The following TPD52L2 variants were observed in gnomAD, a reference collection of about 807,000 sequenced individuals.
TPD52L2 encodes TPD52 like 2.
Under a neutral mutation model 24.7 loss-of-function variants are expected in TPD52L2, and 19 were observed. The observed-to-expected ratio is 0.77, with a 90% CI of 0.54 to 1.13. TPD52L2 has a LOEUF of 1.13. Ranked by LOEUF, TPD52L2 falls within the 50% of genes most tolerant of loss-of-function variation. The pLI, the probability that TPD52L2 is intolerant of heterozygous loss-of-function variation, is 0.00. For missense variants in TPD52L2, 236 were observed against 250.4 expected, an observed-to-expected ratio of 0.94 and a Z score of 0.39; for synonymous variants, 104 against 100.2, an observed-to-expected ratio of 1.04 and a Z score of -0.23.
At chr20:63,875,476 C>T (rs1234296800) in intron 3 of TPD52L2, among the ~76,000 whole-genome samples, 1 of 152,194 alleles carries the variant, frequency 6.6e-6, no homozygotes, top group Non-Finnish European at 1.5e-5. Context: ...CCTAGGACAT[C>T]GTAAGTTTTG....
chr20:63,888,486 A>G (rs1213979787), intron 5 of TPD52L2: 1 of 139,382 alleles, frequency 7.2e-6, no homozygotes, highest in Non-Finnish European at 1.5e-5. Context: ...GTGTCCCTGT[A>G]GGGGATAGCA....
chr20:63,866,859 A>G (rs1300264143), intron 1 of TPD52L2, among the ~76,000 whole-genome samples: 5 of 146,338 alleles, frequency 3.4e-5, no homozygotes, highest in African/African-American at 7.7e-5. Flanking sequence ...GCAATCTTCA[A>G]CTCCTGGGCT....
At chr20:63,881,035 C>T (rs886771847) in intron 4 of TPD52L2, among the ~76,000 whole-genome samples, 1 of 151,418 alleles carries the variant, frequency 6.6e-6, no homozygotes, top group Non-Finnish European at 1.5e-5. Context: ...TGGGAAAGTG[C>T]ATCCTCTGGG....
rs766580777 is a variant in TPD52L2, at chr20:63,869,365, G to T, written c.89G>T (p.Gly30Val). The T allele has an allele frequency of 6.2e-7, 1 of 1,614,242 alleles. No homozygotes were observed. Among genetic ancestry groups the T allele is most frequent in the South Asian group, 1.1e-5 (1 of 91,088 alleles). The change falls in exon 2 of 7, where the codon GGT becomes GTT. Residue 30 changes from glycine to valine, a missense_variant. Gly to Val is a moderately radical substitution (Grantham distance 109). Coordinates refer to ENST00000346249, the MANE Select transcript of TPD52L2 (RefSeq NM_003288.4). ...DSMTDVPVDTGVAARTPAVEG... is the reference protein window; with the variant it reads ...DSMTDVPVDTVVAARTPAVEG... ...ATGACGGATGTTCCTGTCGACACAG[G>T]TGTGGCTGCCCGGACTCCTGCTGTT...
In TPD52L2 at chr20:63,876,441, T is replaced by C. The variant is rs543735482; in HGVS notation, c.374+566T>C. Among the ~76,000 whole-genome samples the C allele has an allele frequency of 9.9e-5, 15 of 152,226 alleles. No individual in the cohort carries two copies. The South Asian group carries it at 3.1e-3, about 32-fold the overall frequency. ...AGTGTGGATCAAGTGTGGATAGTTT[T>C]GTATGTGTGTGTCAGTGGTGTTGTT... On this transcript the variant is annotated intron_variant, in intron 4 of 6. Coordinates refer to ENST00000346249, the MANE Select transcript of TPD52L2 (RefSeq NM_003288.4).
chr20:63,879,578 T>C (rs2052819376), intron 4 of TPD52L2, among the ~76,000 whole-genome samples: 3 of 151,584 alleles, frequency 2.0e-5, no homozygotes, highest in Non-Finnish European at 4.4e-5. Context: ...TCCCCACTCT[T>C]AGGGCACAAA....
intron 4 of TPD52L2, among the ~76,000 whole-genome samples, chr20:63,878,693 G>A (rs2052781611): frequency 6.6e-6 from 1 of 152,198 alleles, no homozygotes; most frequent in South Asian, 2.1e-4. Context: ...AGGAGAGGGG[G>A]AGTGCAAGGA....
chr20:63,890,127 G>T lies in TPD52L2; in HGVS notation c.*182G>T, dbSNP rs1033784087. On this transcript the variant is annotated 3_prime_UTR_variant, in exon 7 of 7. Transcript: ENST00000346249. ...GCATGAATTTGAAGAACACAGGCTTGTACACAGATGTTTTACACTCACGTT... is the reference window on the plus strand; with the variant it reads ...GCATGAATTTGAAGAACACAGGCTTTTACACAGATGTTTTACACTCACGTT... The T allele has an allele frequency of 8.2e-6, 11 of 1,346,620 alleles. No individual in the cohort carries two copies. In the African/African-American group the frequency reaches 1.5e-4, roughly 18 times the overall value. The allele number at this position is 1,346,620 out of a possible 1,614,324, so 83.4% of individuals were successfully genotyped here.
At chr20:63,869,613 C>T (rs1330559590) in intron 2 of TPD52L2, among the ~76,000 whole-genome samples, 172 bp downstream of exon 2, 3 of 152,204 alleles carry the variant, frequency 2.0e-5, no homozygotes, top group African/African-American at 7.2e-5. Context: ...CAGCTCCATG[C>T]ACTGGACTCA....
intron 4 of TPD52L2, among the ~76,000 whole-genome samples, chr20:63,882,449 G>A (rs1308729857): frequency 6.6e-6 from 1 of 152,246 alleles, no homozygotes; most frequent in Non-Finnish European, 1.5e-5. Context: ...AGAAAGCAGC[G>A]TCATTGCAGG....
chr20:63,869,226 A>C, intron 1 of TPD52L2, 70 bp from the exon 2 acceptor site: 112 of 1,576,850 alleles, frequency 7.1e-5, no homozygotes, highest in Middle Eastern at 1.8e-4. Flanking sequence ...TTGTCCTGCT[A>C]GAGACCTCTA....
chr20:63,873,435 G>C (rs927657369), intron 2 of TPD52L2, among the ~76,000 whole-genome samples: 1 of 151,498 alleles, frequency 6.6e-6, no homozygotes, highest in Non-Finnish European at 1.5e-5. Context: ...GTTGCGGTGA[G>C]CCGAGGTCGT....
intron 6 of TPD52L2, 82 bp from the exon 7 acceptor site, chr20:63,889,768 G>C: frequency 7.5e-7 from 1 of 1,334,620 alleles, no homozygotes; most frequent in Non-Finnish European, 1.0e-6. Context: ...CTTTTGTAGA[G>C]CATTGAGCAT....
At chr20:63,873,209 G>A (rs2052532502) in intron 2 of TPD52L2, among the ~76,000 whole-genome samples, 1 of 152,042 alleles carries the variant, frequency 6.6e-6, no homozygotes, top group South Asian at 2.1e-4. Context: ...ATGTCTGCTG[G>A]CTGGGCGCGG....
chr20:63,870,146 C>T (rs951126074), intron 2 of TPD52L2, among the ~76,000 whole-genome samples: 1 of 152,184 alleles, frequency 6.6e-6, no homozygotes. Flanking sequence ...ACAAAAACTT[C>T]TTTTCTAAAA....
Position 63,873,745 on chromosome 20 carries a change from G to A in TPD52L2, c.243G>A (p.Leu81=). Residue 81 remains leucine, a synonymous_variant, in exon 3 of 7, where the codon CTG becomes CTA. Coordinates refer to ENST00000346249, the MANE Select transcript of TPD52L2 (RefSeq NM_003288.4). ...ACTGTGGAGAGCTCAAGAGGAGGCT[G>A]GGCCTCTCCACCCTGGGGGAGCTGA... The part of the protein sequence containing the change: ...ERHCGELKRR[L]GLSTLGELKQ... 5 of 1,606,534 alleles carry A rather than the reference G, an allele frequency of 3.1e-6. No homozygotes were observed. The highest frequency in any genetic ancestry group is 1.3e-5 in the African/African-American group (1 of 74,480).
In TPD52L2 at chr20:63,873,833, G is replaced by T. The variant is rs1442536514; in HGVS notation, c.314+17G>T. The T allele has an allele frequency of 6.7e-7, 1 of 1,500,644 alleles. No individual in the cohort carries two copies. The highest frequency in any genetic ancestry group is 8.9e-7 in the Non-Finnish European group (1 of 1,127,248). The allele number at this position is 1,500,644 out of a possible 1,614,324, so 93.0% of individuals were successfully genotyped here. ...CTCTAGCGCGTAGGTACCTGCCCCA[G>T]GCGCACCCCTGGGGGCTGAAGAGAA... On this transcript the variant is annotated intron_variant, in intron 3 of 6. Coordinates refer to ENST00000346249, the MANE Select transcript of TPD52L2 (RefSeq NM_003288.4).
intron 4 of TPD52L2, among the ~76,000 whole-genome samples, chr20:63,879,643 C>T (rs1345772383): frequency 2.8e-5 from 4 of 144,094 alleles, no homozygotes; most frequent in African/African-American, 5.2e-5. Context: ...GGTGTAGCTT[C>T]CCCATCCCCA....
intron 2 of TPD52L2, among the ~76,000 whole-genome samples, chr20:63,872,734 G>T (rs535363290): frequency 1.3e-5 from 2 of 150,334 alleles, no homozygotes; most frequent in African/African-American, 4.9e-5. Flanking sequence ...ATGGAGTCTC[G>T]CTCTGTCACC....
Sources: gnomAD v4.1 joint callset for allele counts (sites outside exome capture counted in the v4.1 genomes callset) on GRCh38, gnomAD v4.1.1 for gene constraint, MANE v1.5 for transcripts, NCBI Gene and HGNC (gene_info 2026-07-23, HGNC 2026-07-21) for gene names.